AGK: variants seen among roughly 807,000 people sequenced by gnomAD.
The protein encoded by AGK is acylglycerol kinase.
Under a neutral mutation model 66.4 loss-of-function variants are expected in AGK, and 52 were observed. The observed-to-expected ratio is 0.78, with a 90% CI of 0.63 to 0.99. AGK has a LOEUF of 0.99. Ranked by LOEUF, AGK falls within the 50% of genes least tolerant of loss-of-function variation. AGK has a pLI of 0.00. For missense variants in AGK, 451 were observed against 506.6 expected (o/e 0.89, Z 1.05); for synonymous variants, 182 against 181.1 (o/e 1.00, Z -0.04).
chr7:141,605,426 C>T (rs1796437888), intron 5 of AGK, among the ~76,000 whole-genome samples: 1 of 152,052 alleles, frequency 6.6e-6, no homozygotes, highest in Non-Finnish European at 1.5e-5. Context: ...TTTGCTTTTC[C>T]TAGAACCTGG....
intron 9 of AGK, among the ~76,000 whole-genome samples, chr7:141,625,390 C>T (rs1475853182): frequency 6.6e-6 from 1 of 152,060 alleles, no homozygotes; most frequent in Non-Finnish European, 1.5e-5. Flanking sequence ...CACTCTGTCA[C>T]CGAGGCTGGA....
intron 10 of AGK, among the ~76,000 whole-genome samples, chr7:141,634,548 T>G (rs1033999266): frequency 6.6e-6 from 1 of 152,202 alleles, no homozygotes; most frequent in Non-Finnish European, 1.5e-5. Context: ...GAGAATTGAC[T>G]TATTTTTGGA....
At chr7:141,593,063 TA>T in intron 2 of AGK, 82 bp from the exon 3 acceptor site, 1 of 1,242,058 alleles carries the variant, frequency 8.1e-7, no homozygotes, top group Non-Finnish European at 1.2e-6. Flanking sequence ...GTGCCTATAT[TA>T]AAAAATTAAA....
intron 2 of AGK, among the ~76,000 whole-genome samples, chr7:141,576,968 A>C (rs911434628): frequency 1.3e-5 from 2 of 152,158 alleles, no homozygotes; most frequent in Non-Finnish European, 2.9e-5. Flanking sequence ...TGAACCTGGA[A>C]GGCAGAGCTT....
intron 6 of AGK, 142 bp downstream of exon 6, chr7:141,611,429 A>G: frequency 1.9e-6 from 1 of 528,766 alleles, no homozygotes; most frequent in South Asian, 3.1e-5. Flanking sequence ...AAGCTAGTAT[A>G]GCTTTAAATT....
chr7:141,645,307 TA>T (rs1409805007), intron 13 of AGK, among the ~76,000 whole-genome samples: 2 of 152,176 alleles, frequency 1.3e-5, no homozygotes, highest in East Asian at 3.8e-4. Flanking sequence ...TATGCTATTC[TA>T]AATAATATCT....
At chr7:141,632,870 T>C (rs1182975761) in intron 9 of AGK, among the ~76,000 whole-genome samples, 1 of 152,230 alleles carries the variant, frequency 6.6e-6, no homozygotes, top group Admixed American at 6.5e-5. Flanking sequence ...TTGTGTTTGA[T>C]TCTCCTAGAA....
intron 14 of AGK, 89 bp downstream of exon 14, chr7:141,649,422 T>C: frequency 1.0e-6 from 1 of 979,046 alleles, no homozygotes; most frequent in South Asian, 1.4e-5. Flanking sequence ...AAGACAGAAA[T>C]CCAGCCAAAG....
At chr7:141,613,001 A>C (rs1796624584) in intron 6 of AGK, among the ~76,000 whole-genome samples, 2 of 152,166 alleles carry the variant, frequency 1.3e-5, no homozygotes, top group Non-Finnish European at 2.9e-5. Flanking sequence ...TGTTTGACTT[A>C]GTCATTATGT....
intron 2 of AGK, among the ~76,000 whole-genome samples, chr7:141,569,036 T>G (rs892348668): frequency 1.3e-5 from 2 of 152,200 alleles, no homozygotes; most frequent in African/African-American, 4.8e-5. Flanking sequence ...GTTTAAGGGT[T>G]TTAATTAATA....
intron 2 of AGK, among the ~76,000 whole-genome samples, chr7:141,573,020 T>C (rs1019653289): frequency 2.0e-5 from 3 of 152,352 alleles, no homozygotes; most frequent in African/African-American, 4.8e-5. Context: ...CCTGGCGGCT[T>C]CATCCACAGC....
At chr7:141,607,838 G>C (rs924138734) in intron 5 of AGK, among the ~76,000 whole-genome samples, 3 of 151,906 alleles carry the variant, frequency 2.0e-5, no homozygotes, top group South Asian at 2.1e-4. Context: ...GGGGGCAACT[G>C]TTAGGCCACC....
rs71172606 is a variant in AGK, at chr7:141,577,818, CTTTTTTT to C, written c.102-15316_102-15310del. Among the ~76,000 whole-genome samples, 9 of 136,444 alleles carry C rather than the reference CTTTTTTT, an allele frequency of 6.6e-5. No homozygotes were observed. The East Asian group carries it at 8.4e-4, about 13-fold the overall frequency. 89.5% of individuals were successfully genotyped at this position (136,444 alleles called of 152,430 possible). On this transcript the variant is annotated intron_variant, in intron 2 of 15. Coordinates refer to ENST00000649286, the MANE Select transcript of AGK (RefSeq NM_018238.4). Reference sequence around the variant, plus strand: ...GATCGAATGCCCCAACATAAATCTTCTTTTTTTTTTTTTTTTTTGAAACAGAGCCTCA... The same window carrying C: ...GATCGAATGCCCCAACATAAATCTTCTTTTTTTTTTTGAAACAGAGCCTCA...
At chr7:141,562,427 T>C (rs1311540120) in intron 2 of AGK, among the ~76,000 whole-genome samples, 1 of 152,170 alleles carries the variant, frequency 6.6e-6, no homozygotes, top group East Asian at 1.9e-4. Flanking sequence ...AGAGTTTCTA[T>C]ATTTTGTGTT....
chr7:141,627,605 C>T (rs1172050273), intron 9 of AGK, among the ~76,000 whole-genome samples: 1 of 152,130 alleles, frequency 6.6e-6, no homozygotes, highest in Non-Finnish European at 1.5e-5. Context: ...TCACCATGAC[C>T]TCACTGATCA....
intron 2 of AGK, among the ~76,000 whole-genome samples, chr7:141,570,462 C>T (rs574241902): frequency 5.7e-4 from 87 of 152,212 alleles, no homozygotes; most frequent in Non-Finnish European, 9.7e-4. Context: ...GTACAAAGTA[C>T]ATGTTAAGGA....
In AGK at chr7:141,598,259, C is replaced by T. The variant is rs58184612; in HGVS notation, c.221+1618C>T. ...TAGAGCCGCTTCCCTCCCCCATAAA[C>T]GCACCAGTCATAATGCCTATTGATC... On this transcript the variant is annotated intron_variant, in intron 4 of 15. Transcript: ENST00000649286. The surrounding 1 kb of genome is among the most constrained non-coding windows in gnomAD (Gnocchi z 4.2). Among the ~76,000 whole-genome samples, 804 of 152,294 alleles carry T rather than the reference C, an allele frequency of 5.3e-3. 13 individuals carry two copies. Among genetic ancestry groups the T allele is most frequent in the African/African-American group, 0.018 (760 of 41,556 alleles).
At position 141,555,552 on chromosome 7, in the gene AGK, T is replaced by C; in HGVS notation, c.86T>C (p.Leu29Pro). The C allele has an allele frequency of 6.2e-7, 1 of 1,613,620 alleles. No individual in the cohort carries two copies. Among genetic ancestry groups the C allele is most frequent in the Non-Finnish European group, 8.5e-7 (1 of 1,179,774 alleles). ...LCLLTWGGHW[L>P]YGKHCDNLLR... Reference sequence around the variant, plus strand: ...CTGCTGACCTGGGGAGGCCATTGGCTCTATGGAAAACACTGGTAACTATCT... The same window carrying C: ...CTGCTGACCTGGGGAGGCCATTGGCCCTATGGAAAACACTGGTAACTATCT... Residue 29 changes from leucine (L) to proline (P), a missense_variant, in exon 2 of 16, where the codon CTC becomes CCC. Physicochemically the swap from Leu to Pro is moderately conservative, Grantham distance 98. Coordinates refer to ENST00000649286, the MANE Select transcript of AGK (RefSeq NM_018238.4). This position sits in a 1 kb window ranked among gnomAD's most constrained non-coding sequence, Gnocchi z 4.2.
intron 2 of AGK, among the ~76,000 whole-genome samples, chr7:141,571,661 T>A (rs1430084076): frequency 1.3e-5 from 2 of 152,134 alleles, no homozygotes; most frequent in Non-Finnish European, 2.9e-5. Flanking sequence ...CTTCTTAGAG[T>A]TCACTAGAGC....
Sources: gnomAD v4.1 joint callset for allele counts (sites outside exome capture counted in the v4.1 genomes callset) on GRCh38, gnomAD v4.1.1 for gene constraint, Gnocchi (gnomAD v3.1) non-coding constraint, MANE v1.5 for transcripts, NCBI Gene and HGNC (gene_info 2026-07-23, HGNC 2026-07-21) for gene names.